PROS1: variants seen among roughly 807,000 people sequenced by gnomAD.
The protein encoded by PROS1 is vitamin K-dependent protein S.
A neutral mutation model predicts 75.9 loss-of-function variants in PROS1; 29 were observed. That is an observed-to-expected ratio of 0.38 (90% CI 0.28 to 0.52). The LOEUF is 0.52. Among genes scored for constraint, PROS1 ranks in the 20% least tolerant of loss-of-function variants. The probability of loss-of-function intolerance (pLI) is 0.83; values close to 1 mark genes in which losing one functional copy is unlikely to be tolerated. For missense variants in PROS1, 680 were observed against 810.3 expected (o/e 0.84, Z 1.95); for synonymous variants, 245 against 280.6 (o/e 0.87, Z 1.27).
At chr3:93,961,335 T>C (rs1047979233) in intron 1 of PROS1, among the ~76,000 whole-genome samples, 4 of 152,168 alleles carry the variant, frequency 2.6e-5, no homozygotes, top group African/African-American at 9.7e-5. Context: ...GAAACAGTGA[T>C]AGGAGACAAA....
At chr3:93,876,048 C>T (rs886958374) in intron 14 of PROS1, among the ~76,000 whole-genome samples, 1 of 152,166 alleles carries the variant, frequency 6.6e-6, no homozygotes, top group Non-Finnish European at 1.5e-5. Flanking sequence ...TAAAAGTCAT[C>T]CTTATACCTG....
chr3:93,955,374 C>T (rs1202465284), intron 1 of PROS1, among the ~76,000 whole-genome samples: 1 of 152,194 alleles, frequency 6.6e-6, no homozygotes, highest in Non-Finnish European at 1.5e-5. Flanking sequence ...GGCACATATA[C>T]ACCATGGAAT....
intron 6 of PROS1, among the ~76,000 whole-genome samples, chr3:93,904,901 A>G (rs1160251232): frequency 1.3e-5 from 2 of 152,228 alleles, no homozygotes; most frequent in Admixed American, 6.5e-5. Context: ...CTAAACTAAC[A>G]GGGAATATTT....
intron 1 of PROS1, among the ~76,000 whole-genome samples, chr3:93,941,491 C>A (rs1442869790): frequency 6.6e-6 from 1 of 152,158 alleles, no homozygotes; most frequent in South Asian, 2.1e-4. Context: ...CTGCTTTTGC[C>A]ATCCTAACAA....
intron 2 of PROS1, among the ~76,000 whole-genome samples, 180 bp from the exon 3 acceptor site, chr3:93,924,444 G>A (rs1484992748): frequency 6.6e-6 from 1 of 152,020 alleles, no homozygotes; most frequent in Non-Finnish European, 1.5e-5. Context: ...AATTAAGCCA[G>A]TAAGATACTT....
At chr3:93,963,803 A>C (rs1427531351) in intron 1 of PROS1, among the ~76,000 whole-genome samples, 1 of 152,112 alleles carries the variant, frequency 6.6e-6, no homozygotes, top group Non-Finnish European at 1.5e-5. Flanking sequence ...TAAGTTATTC[A>C]TAAGGGACCT....
chr3:93,938,015 C>T (rs1369509331), intron 1 of PROS1, among the ~76,000 whole-genome samples: 1 of 152,172 alleles, frequency 6.6e-6, no homozygotes, highest in Admixed American at 6.5e-5. Context: ...CTCCCAATGA[C>T]ACACCAATAG....
intron 1 of PROS1, among the ~76,000 whole-genome samples, chr3:93,937,219 G>A (rs13092355): frequency 0.095 from 14,430 of 152,176 alleles, 702 homozygotes; most frequent in Middle Eastern, 0.22. Flanking sequence ...TGAAAGGGTC[G>A]TGATTGATTT....
At chr3:93,959,132 G>C (rs1311764182) in intron 1 of PROS1, among the ~76,000 whole-genome samples, 3 of 152,038 alleles carry the variant, frequency 2.0e-5, no homozygotes, top group Non-Finnish European at 4.4e-5. Context: ...TTGAGCTCAG[G>C]AGTTGGAGAC....
chr3:93,953,166 A>T (rs1397255292), intron 1 of PROS1, among the ~76,000 whole-genome samples: 1 of 152,192 alleles, frequency 6.6e-6, no homozygotes, highest in Non-Finnish European at 1.5e-5. Context: ...AGTTGTTACC[A>T]TTCCTTCTGG....
intron 6 of PROS1, among the ~76,000 whole-genome samples, chr3:93,903,113 C>T (rs1306890528): frequency 6.6e-6 from 1 of 152,030 alleles, no homozygotes; most frequent in Non-Finnish European, 1.5e-5. Context: ...GTTGATCCAC[C>T]CACCTCGGCC....
chr3:93,939,191 C>T (rs1482962613), intron 1 of PROS1, among the ~76,000 whole-genome samples: 1 of 152,176 alleles, frequency 6.6e-6, no homozygotes, highest in Non-Finnish European at 1.5e-5. Context: ...TTCAATTTCT[C>T]CATCCTACAT....
chr3:93,945,639 A>G (rs955641084), intron 1 of PROS1, among the ~76,000 whole-genome samples: 26 of 152,192 alleles, frequency 1.7e-4, no homozygotes, highest in African/African-American at 6.3e-4. Context: ...TCAATAAGCT[A>G]GGTATTGATG....
intron 1 of PROS1, among the ~76,000 whole-genome samples, chr3:93,950,935 CT>C (rs1405304230): frequency 6.6e-6 from 1 of 151,900 alleles, no homozygotes; most frequent in Non-Finnish European, 1.5e-5. Context: ...AGCTAAAAAC[CT>C]TGAAAAAAGA....
chr3:93,924,527 T>C (rs1383594940), intron 2 of PROS1, among the ~76,000 whole-genome samples: 1 of 152,282 alleles, frequency 6.6e-6, no homozygotes, highest in East Asian at 1.9e-4. Context: ...CTATTTAGGA[T>C]GGTAAATATA....
At chr3:93,908,827 A>T (rs1708713341) in intron 4 of PROS1, among the ~76,000 whole-genome samples, 1 of 152,218 alleles carries the variant, frequency 6.6e-6, no homozygotes, top group Non-Finnish European at 1.5e-5. Flanking sequence ...AGTTACCTAA[A>T]TGCCACAACA....
chr3:93,950,441 C>T (rs1709477689), intron 1 of PROS1, among the ~76,000 whole-genome samples: 1 of 152,178 alleles, frequency 6.6e-6, no homozygotes, highest in African/African-American at 2.4e-5. Flanking sequence ...CCAGTAGTGG[C>T]CGACTGACAC....
intron 1 of PROS1, among the ~76,000 whole-genome samples, chr3:93,962,345 C>T (rs1576219145): frequency 6.6e-6 from 1 of 152,132 alleles, no homozygotes; most frequent in Non-Finnish European, 1.5e-5. Flanking sequence ...ACTTCAACCA[C>T]AATAAAAATA....
At chr3:93,880,630 A>G (rs560900174) in intron 12 of PROS1, among the ~76,000 whole-genome samples, 5 of 152,326 alleles carry the variant, frequency 3.3e-5, no homozygotes, top group African/African-American at 1.2e-4. Context: ...TGTAATGCTC[A>G]AATCAGGGTA....
Sources: gnomAD v4.1 joint callset for allele counts (sites outside exome capture counted in the v4.1 genomes callset) on GRCh38, gnomAD v4.1.1 for gene constraint, MANE v1.5 for transcripts, NCBI Gene and HGNC (gene_info 2026-07-23, HGNC 2026-07-21) for gene names.